Variants in SPMIP6 observed in about 807,000 individuals in gnomAD.
The protein encoded by SPMIP6 is ciliated bronchial epithelial protein 1.
At chr9:34,397,494 C>T in the SPMIP6 span, 1 of 1,614,118 alleles carries the variant, frequency 6.2e-7, no homozygotes, top group South Asian at 1.1e-5. Flanking sequence ...CAATCTCCCA[C>T]TTACCGGAGT....
At chr9:34,381,259 C>T in the SPMIP6 span, 1 of 1,589,638 alleles carries the variant, frequency 6.3e-7, no homozygotes, top group African/African-American at 1.3e-5. The surrounding 1 kb of genome is among the most constrained non-coding windows in gnomAD (Gnocchi z 4.4). Context: ...TCCACCCTCT[C>T]CAGGACCCTC....
chr9:34,379,563 G>T, the SPMIP6 span: 1 of 1,241,202 alleles, frequency 8.1e-7, no homozygotes, highest in Non-Finnish European at 1.2e-6. The surrounding 1 kb of genome is among the most constrained non-coding windows in gnomAD (Gnocchi z 4.2). Flanking sequence ...TTCTCATCCC[G>T]TCTACCAGAC....
At chr9:34,383,408 C>T in the SPMIP6 span, among the ~76,000 whole-genome samples, 3 of 152,170 alleles carry the variant, frequency 2.0e-5, no homozygotes, top group Admixed American at 6.5e-5. Context: ...CCTGTAAACC[C>T]AGCTACTCAG....
the SPMIP6 span, among the ~76,000 whole-genome samples, chr9:34,380,080 C>T: frequency 6.6e-6 from 1 of 152,190 alleles, no homozygotes; most frequent in African/African-American, 2.4e-5. Flanking sequence ...TTCCTAGAGG[C>T]TCAGACACTT....
the SPMIP6 span, among the ~76,000 whole-genome samples, chr9:34,384,332 G>A: frequency 1.7e-4 from 26 of 152,294 alleles, no homozygotes; most frequent in East Asian, 4.4e-3. Context: ...AGAGGGTGCA[G>A]GATAACACCC....
At chr9:34,379,907 C>A in the SPMIP6 span, 1 of 570,698 alleles carries the variant, frequency 1.8e-6, no homozygotes, top group Admixed American at 3.2e-5. This position sits in a 1 kb window ranked among gnomAD's most constrained non-coding sequence, Gnocchi z 4.2. Flanking sequence ...CGGGAACCCC[C>A]CTTGGAAGAC....
the SPMIP6 span, chr9:34,381,481 T>C: frequency 3.1e-6 from 5 of 1,613,664 alleles, no homozygotes; most frequent in Admixed American, 3.3e-5. The surrounding 1 kb of genome is among the most constrained non-coding windows in gnomAD (Gnocchi z 4.4). Flanking sequence ...AGCTCTGACC[T>C]GGCAGAGCTG....
At chr9:34,395,546 CTCT>C in the SPMIP6 span, among the ~76,000 whole-genome samples, 1 of 152,208 alleles carries the variant, frequency 6.6e-6, no homozygotes, top group African/African-American at 2.4e-5. Context: ...CATTTTCTCT[CTCT>C]TCTTTGGCAA....
chr9:34,380,585 G>T, the SPMIP6 span: 1 of 1,415,056 alleles, frequency 7.1e-7, no homozygotes, highest in South Asian at 1.5e-5. Flanking sequence ...TGATGTGCGG[G>T]GTTTCTTCCT....
the SPMIP6 span, chr9:34,380,672 GGT>G: frequency 6.5e-7 from 1 of 1,543,880 alleles, no homozygotes; most frequent in African/African-American, 1.4e-5. Flanking sequence ...GAGGGACAGG[GGT>G]CGGGGACTTG....
the SPMIP6 span, among the ~76,000 whole-genome samples, chr9:34,388,988 G>C: frequency 6.9e-6 from 1 of 144,580 alleles, no homozygotes; most frequent in East Asian, 2.1e-4. Context: ...CTGGAGTGCA[G>C]TGGCACAATC....
chr9:34,394,174 G>C, the SPMIP6 span, among the ~76,000 whole-genome samples: 4 of 152,014 alleles, frequency 2.6e-5, no homozygotes, highest in South Asian at 4.1e-4. Flanking sequence ...ATTATTTTTT[G>C]AGATGGAGTC....
chr9:34,382,984 T>C, the SPMIP6 span: 5 of 774,486 alleles, frequency 6.5e-6, no homozygotes, highest in East Asian at 1.2e-4. Context: ...CCTCACAGAC[T>C]GTCCTCAAGC....
At chr9:34,392,272 C>G in the SPMIP6 span, among the ~76,000 whole-genome samples, 6 of 152,166 alleles carry the variant, frequency 3.9e-5, no homozygotes, top group East Asian at 1.2e-3. This position sits in a 1 kb window ranked among gnomAD's most constrained non-coding sequence, Gnocchi z 4.6. Context: ...TTATGTTGTC[C>G]AGGCTGGTCC....
chr9:34,396,798 C>G, the SPMIP6 span, among the ~76,000 whole-genome samples: 16 of 152,192 alleles, frequency 1.1e-4, no homozygotes, highest in Admixed American at 5.9e-4. Flanking sequence ...GGCAACTCTA[C>G]TTTGTTCACT....
the SPMIP6 span, among the ~76,000 whole-genome samples, chr9:34,395,188 C>T: frequency 5.3e-5 from 8 of 152,236 alleles, no homozygotes; most frequent in East Asian, 5.8e-4. Context: ...GTCTTGAACT[C>T]GTAGGCTCAA....
the SPMIP6 span, among the ~76,000 whole-genome samples, chr9:34,390,956 T>C: frequency 6.6e-6 from 1 of 152,292 alleles, no homozygotes; most frequent in Middle Eastern, 3.4e-3. Context: ...TTATGCTGGG[T>C]TCATAGAATG....
the SPMIP6 span, chr9:34,379,752 C>T: frequency 2.5e-6 from 4 of 1,602,884 alleles, no homozygotes; most frequent in Non-Finnish European, 3.4e-6. This position sits in a 1 kb window ranked among gnomAD's most constrained non-coding sequence, Gnocchi z 4.2. Flanking sequence ...GAGGAAGCCG[C>T]GAGCATGGAG....
At chr9:34,386,422 C>A in the SPMIP6 span, among the ~76,000 whole-genome samples, 1 of 151,838 alleles carries the variant, frequency 6.6e-6, no homozygotes, top group Admixed American at 6.6e-5. Context: ...GGTGAAATCC[C>A]GTCTCTACTA....
Sources: allele counts gnomAD v4.1 joint callset (sites outside exome capture counted in the v4.1 genomes callset), GRCh38; gene constraint gnomAD v4.1.1; non-coding constraint Gnocchi (gnomAD v3.1); transcripts MANE v1.5; gene names NCBI Gene and HGNC (gene_info 2026-07-23, HGNC 2026-07-21).